The following MAGI2 variants were observed in gnomAD, a reference collection of about 807,000 sequenced individuals.
The protein encoded by MAGI2 is membrane-associated guanylate kinase, WW and PDZ domain-containing protein 2.
In MAGI2, 35 loss-of-function variants were observed where a neutral mutation model predicts 133.3. That is an observed-to-expected ratio of 0.26 (90% CI 0.20 to 0.35). The LOEUF (loss-of-function observed/expected upper bound fraction) is 0.35. Among genes scored for constraint, MAGI2 ranks in the 10% least tolerant of loss-of-function variants. MAGI2 has a pLI of 1.00. For synonymous variants in MAGI2, 729 were observed against 710.6 expected, an observed-to-expected ratio of 1.03 and a Z score of -0.41; for missense variants, 1,636 against 1,863.4, an observed-to-expected ratio of 0.88 and a Z score of 2.25.
intron 2 of MAGI2, among the ~76,000 whole-genome samples, chr7:78,858,697 G>A (rs1343283307): frequency 1.3e-5 from 2 of 152,196 alleles, no homozygotes; most frequent in African/African-American, 2.4e-5. Flanking sequence ...TGGAATAAGT[G>A]TTATGTGGTA....
intron 2 of MAGI2, among the ~76,000 whole-genome samples, chr7:78,987,978 A>G (rs993324540): frequency 9.2e-5 from 14 of 152,084 alleles, no homozygotes; most frequent in Non-Finnish European, 1.8e-4. Flanking sequence ...GGTTCGTATT[A>G]GTTAAAATAA....
chr7:78,247,842 T>C (rs892466987), intron 10 of MAGI2, among the ~76,000 whole-genome samples: 2 of 152,050 alleles, frequency 1.3e-5, no homozygotes, highest in Non-Finnish European at 2.9e-5. Flanking sequence ...TGAGAAAACA[T>C]TTGTATTATG....
At chr7:78,448,692 A>G (rs1788406488) in intron 6 of MAGI2, among the ~76,000 whole-genome samples, 1 of 152,112 alleles carries the variant, frequency 6.6e-6, no homozygotes, top group South Asian at 2.1e-4. Flanking sequence ...TGTTAGCTCC[A>G]TTCTCTATAT....
At chr7:78,206,385 G>A (rs995880949) in intron 10 of MAGI2, among the ~76,000 whole-genome samples, 11 of 150,068 alleles carry the variant, frequency 7.3e-5, no homozygotes, top group African/African-American at 1.2e-4. Flanking sequence ...TCCGCCTCCC[G>A]GGTTCCAGCG....
intron 2 of MAGI2, among the ~76,000 whole-genome samples, chr7:78,955,037 C>T (rs1424740235): frequency 6.6e-6 from 1 of 151,890 alleles, no homozygotes; most frequent in African/African-American, 2.4e-5. Context: ...TAAAGAAGTC[C>T]TGTTGGCACA....
intron 2 of MAGI2, among the ~76,000 whole-genome samples, chr7:78,841,500 C>A (rs924703584): frequency 1.3e-5 from 2 of 151,912 alleles, no homozygotes; most frequent in Non-Finnish European, 2.9e-5. Flanking sequence ...CTTACACATG[C>A]CTTATGCATC....
At chr7:78,326,414 T>A (rs542941360) in intron 9 of MAGI2, among the ~76,000 whole-genome samples, 1 of 152,322 alleles carries the variant, frequency 6.6e-6, no homozygotes, top group East Asian at 1.9e-4. Flanking sequence ...AGCACTTATC[T>A]CCAGGTGCCC....
intron 2 of MAGI2, among the ~76,000 whole-genome samples, chr7:78,978,998 G>A (rs181250396): frequency 7.9e-5 from 12 of 151,972 alleles, no homozygotes; most frequent in African/African-American, 2.9e-4. Context: ...AGATAAGCAA[G>A]AGAAAGCATT....
intron 1 of MAGI2, among the ~76,000 whole-genome samples, chr7:79,040,859 C>G (rs1389602052): frequency 6.6e-6 from 1 of 152,138 alleles, no homozygotes; most frequent in Admixed American, 6.6e-5. Context: ...AACCTCTTTC[C>G]TTTATAAATT....
chr7:78,919,198 T>C (rs1799038274), intron 2 of MAGI2, among the ~76,000 whole-genome samples: 1 of 152,118 alleles, frequency 6.6e-6, no homozygotes, highest in Non-Finnish European at 1.5e-5. Context: ...ATGGGAACAA[T>C]TCTTCTCACT....
intron 3 of MAGI2, among the ~76,000 whole-genome samples, chr7:78,534,428 G>T (rs934610651): frequency 6.6e-6 from 1 of 152,144 alleles, no homozygotes; most frequent in Non-Finnish European, 1.5e-5. Flanking sequence ...AAAGCCAAAT[G>T]GCTAAACTAT....
chr7:78,444,439 C>T (rs1787928804), intron 6 of MAGI2, among the ~76,000 whole-genome samples: 1 of 151,950 alleles, frequency 6.6e-6, no homozygotes, highest in African/African-American at 2.4e-5. Flanking sequence ...TGAAAGAAAC[C>T]CACACTCATA....
intron 2 of MAGI2, among the ~76,000 whole-genome samples, chr7:78,879,628 G>A (rs1795689583): frequency 1.3e-5 from 2 of 152,036 alleles, no homozygotes; most frequent in Non-Finnish European, 2.9e-5. Flanking sequence ...AGTGCCATAA[G>A]CGCCAGGTGA....
At chr7:78,846,579 C>T (rs1370580315) in intron 2 of MAGI2, among the ~76,000 whole-genome samples, 1 of 151,962 alleles carries the variant, frequency 6.6e-6, no homozygotes, top group African/African-American at 2.4e-5. Context: ...AAGCACTTCA[C>T]CAATGACTGG....
intron 7 of MAGI2, among the ~76,000 whole-genome samples, chr7:78,363,559 AT>A (rs1299088399): frequency 3.6e-5 from 5 of 139,350 alleles, no homozygotes; most frequent in African/African-American, 1.3e-4. Flanking sequence ...GTTTTTATTC[AT>A]TGTGGCATAC....
At chr7:78,540,312 C>T (rs778150313) in intron 3 of MAGI2, among the ~76,000 whole-genome samples, 5 of 152,084 alleles carry the variant, frequency 3.3e-5, no homozygotes, top group South Asian at 2.1e-4. Flanking sequence ...TCCTCCCAGG[C>T]GGATTATGGC....
chr7:79,221,283 AT>A (rs1245127933), intron 1 of MAGI2, among the ~76,000 whole-genome samples: 1 of 152,090 alleles, frequency 6.6e-6, no homozygotes, highest in East Asian at 1.9e-4. Context: ...AGAAATGTGG[AT>A]TGTTATTCCG....
rs151217334 is a variant in MAGI2 at position 78,358,829 on chromosome 7, A to T, written c.1103+10327T>A. On this transcript the variant is annotated intron_variant, in intron 7 of 21. Coordinates refer to ENST00000354212, the MANE Select transcript of MAGI2 (RefSeq NM_012301.4). Reference sequence around the variant, plus strand: ...GGCCACAAAGAACGTGGAGAAGACAAATGACAAATACACAGAGGTCCTAAG... The same window carrying T: ...GGCCACAAAGAACGTGGAGAAGACATATGACAAATACACAGAGGTCCTAAG... The T allele has an allele frequency of 2.7e-3, 479 of 177,500 alleles. 3 individuals carry two copies. Among genetic ancestry groups the T allele is most frequent in the African/African-American group, 0.01 (426 of 42,180 alleles). The allele number at this position is 177,500 out of a possible 1,614,324, so 11.0% of individuals were successfully genotyped here.
chr7:78,374,327 T>A (rs1417355802), intron 6 of MAGI2, among the ~76,000 whole-genome samples: 2 of 152,158 alleles, frequency 1.3e-5, no homozygotes, highest in African/African-American at 4.8e-5. Context: ...ATATGGAATA[T>A]CTTTATATGC....
Sources: allele counts gnomAD v4.1 joint callset (sites outside exome capture counted in the v4.1 genomes callset), GRCh38; gene constraint gnomAD v4.1.1; transcripts MANE v1.5; gene names NCBI Gene and HGNC (gene_info 2026-07-23, HGNC 2026-07-21).